The following MAP4K5 variants were observed in gnomAD, a reference collection of about 807,000 sequenced individuals.
The protein encoded by MAP4K5 is mitogen-activated protein kinase kinase kinase kinase 5.
Under a neutral mutation model 135.6 loss-of-function variants are expected in MAP4K5, and 82 were observed. The ratio of observed to expected loss-of-function variants is 0.60; its 90% CI spans 0.51 to 0.73. The LOEUF is 0.73. Ranked by LOEUF, MAP4K5 falls within the 30% of genes least tolerant of loss-of-function variation. The pLI, the probability that MAP4K5 is intolerant of heterozygous loss-of-function variation, is 0.00. For synonymous variants in MAP4K5, 347 were observed against 335.0 expected (o/e 1.04, Z -0.39); for missense variants, 907 against 1,010.9 (o/e 0.90, Z 1.39).
chr14:50,467,456 C>A lies in MAP4K5; in HGVS notation c.675-811G>T, dbSNP rs371665008. The stretch of plus-strand genomic sequence containing the variant: ...TTTTTAGTCTTTATCTAAATGCTTA[C>A]CAATTACATTATATTCACATTAGTA... On this transcript the variant is annotated intron_variant, in intron 10 of 32. Coordinates refer to ENST00000682126, the MANE Select transcript of MAP4K5 (RefSeq NM_006575.6). Among the ~76,000 whole-genome samples, 7 of 152,042 alleles carry A rather than the reference C, an allele frequency of 4.6e-5. No homozygotes were observed. The East Asian group carries it at 5.8e-4, about 13-fold the overall frequency.
chr14:50,459,313 C>G (rs1005555717), intron 13 of MAP4K5, among the ~76,000 whole-genome samples: 4 of 152,170 alleles, frequency 2.6e-5, no homozygotes, highest in Admixed American at 2.6e-4. Flanking sequence ...CTGCTCAAGT[C>G]AAAATCTGGT....
intron 30 of MAP4K5, among the ~76,000 whole-genome samples, chr14:50,427,091 A>AT (rs199751536): frequency 4.0e-5 from 6 of 151,562 alleles, no homozygotes; most frequent in East Asian, 1.9e-4. Context: ...TTGTAAAGGC[A>AT]TTTTTTTTTC....
At chr14:50,463,222 T>A (rs754387658) in intron 12 of MAP4K5, among the ~76,000 whole-genome samples, 2 of 152,228 alleles carry the variant, frequency 1.3e-5, no homozygotes, top group Non-Finnish European at 2.9e-5. Context: ...TAATTAAATA[T>A]TGGCATGTCA....
rs1364661413 is a variant in MAP4K5 at position 50,442,792 on chromosome 14, A to G, written c.1504T>C (p.Phe502Leu). 7 of 1,596,078 alleles carry G rather than the reference A, an allele frequency of 4.4e-6. No individual in the cohort carries two copies. The highest frequency in any genetic ancestry group is 6.0e-6 in the Non-Finnish European group (7 of 1,171,032). Residue 502 changes from phenylalanine (F) to leucine (L), a missense_variant, in exon 21 of 33, where the codon TTT (phenylalanine) becomes CTT (leucine). Transcript: ENST00000682126. ...VLMGACFSKVFDGCPLKINCA... is the reference protein window; with the variant it reads ...VLMGACFSKVLDGCPLKINCA... ...TTAATTTTCAAAGGACAGCCATCAA[A>G]AACTTTTGAAAAGCATGCTCCCATC...
chr14:50,540,255 G>A (rs1273824065), intron 2 of MAP4K5, among the ~76,000 whole-genome samples: 1 of 152,152 alleles, frequency 6.6e-6, no homozygotes, highest in Non-Finnish European at 1.5e-5. Context: ...TAATCCCTGA[G>A]TCTCTAGGAA....
chr14:50,448,595 C>A (rs2036411540), intron 15 of MAP4K5, among the ~76,000 whole-genome samples, 179 bp downstream of exon 15: 2 of 151,848 alleles, frequency 1.3e-5, no homozygotes, highest in African/African-American at 4.8e-5. Flanking sequence ...TGTATTACAT[C>A]GTACTCTAGT....
chr14:50,458,379 A>C (rs187909661), intron 13 of MAP4K5, among the ~76,000 whole-genome samples: 236 of 152,152 alleles, frequency 1.6e-3, no homozygotes, highest in Middle Eastern at 0.01. Context: ...CACACACACA[A>C]AAAAATCCTT....
intron 3 of MAP4K5, among the ~76,000 whole-genome samples, chr14:50,497,298 G>T (rs973418913): frequency 1.3e-5 from 2 of 152,136 alleles, no homozygotes; most frequent in African/African-American, 4.8e-5. Context: ...TTCATTTTCT[G>T]TATCTATTAT....
chr14:50,487,626 G>C (rs536789309), intron 3 of MAP4K5, among the ~76,000 whole-genome samples: 4 of 152,164 alleles, frequency 2.6e-5, no homozygotes, highest in Non-Finnish European at 5.9e-5. Context: ...TGTTACAATT[G>C]AAAATGTGCT....
At chr14:50,483,178 T>C (rs1406232930) in intron 5 of MAP4K5, 2 of 152,242 alleles carry the variant, frequency 1.3e-5, no homozygotes, top group African/African-American at 4.8e-5. Context: ...GCTATTTCTT[T>C]AGTATAATTC....
At chr14:50,431,617 G>A (rs982563747) in intron 28 of MAP4K5, among the ~76,000 whole-genome samples, 7 of 152,068 alleles carry the variant, frequency 4.6e-5, no homozygotes, top group African/African-American at 1.4e-4. Flanking sequence ...ATTCCATGGT[G>A]TATATGTGCC....
chr14:50,560,610 G>C (rs1447648254), intron 1 of MAP4K5: 2 of 422,538 alleles, frequency 4.7e-6, no homozygotes, highest in African/African-American at 4.0e-5. Context: ...CCGGGGACTT[G>C]TGGGTTCCGC....
chr14:50,547,935 A>G (rs1391814419), intron 1 of MAP4K5, among the ~76,000 whole-genome samples: 3 of 152,212 alleles, frequency 2.0e-5, no homozygotes, highest in African/African-American at 7.2e-5. Context: ...ATAGTTGCAT[A>G]GTACCTATCT....
chr14:50,502,681 C>G (rs752689996), intron 3 of MAP4K5, among the ~76,000 whole-genome samples: 1 of 151,722 alleles, frequency 6.6e-6, no homozygotes. Flanking sequence ...GATTATAATA[C>G]GCAACAAAAG....
intron 28 of MAP4K5, among the ~76,000 whole-genome samples, chr14:50,430,821 AG>A (rs956072987): frequency 3.3e-4 from 51 of 152,344 alleles, no homozygotes; most frequent in Non-Finnish European, 6.2e-4. Context: ...AAGTAGAATT[AG>A]GGCCTGGTAA....
chr14:50,445,349 T>G lies in MAP4K5; in HGVS notation c.1186-155A>C, dbSNP rs182837916. On this transcript the variant is annotated intron_variant, in intron 17 of 32. Transcript: ENST00000682126. Reference sequence around the variant, plus strand: ...GAGGTGAGTTACTGCCCAACACAACTATCAACTTGCCATGTGATTTTTAAT... The same window carrying G: ...GAGGTGAGTTACTGCCCAACACAACGATCAACTTGCCATGTGATTTTTAAT... Among the ~76,000 whole-genome samples the G allele has an allele frequency of 2.1e-3, 323 of 152,294 alleles. 2 individuals carry two copies. The highest frequency in any genetic ancestry group is 2.5e-3 in the Admixed American group (39 of 15,296).
intron 20 of MAP4K5, 99 bp downstream of exon 20, chr14:50,443,630 A>G (rs2139712641): frequency 1.1e-6 from 1 of 948,686 alleles, no homozygotes; most frequent in Middle Eastern, 2.5e-4. Flanking sequence ...ATTTTATGAT[A>G]TCTTAACTTT....
intron 9 of MAP4K5, 27 bp from the exon 10 acceptor site, chr14:50,468,809 T>G: frequency 6.3e-7 from 1 of 1,584,412 alleles, no homozygotes; most frequent in South Asian, 1.1e-5. Flanking sequence ...AATACAACAT[T>G]TTTGTTGTTA....
At chr14:50,448,453 T>A (rs2036407382) in intron 15 of MAP4K5, among the ~76,000 whole-genome samples, 1 of 151,026 alleles carries the variant, frequency 6.6e-6, no homozygotes. Context: ...GAATTTACTA[T>A]AAAACAAACA....
Sources: allele counts gnomAD v4.1 joint callset (sites outside exome capture counted in the v4.1 genomes callset), GRCh38; gene constraint gnomAD v4.1.1; transcripts MANE v1.5; gene names NCBI Gene and HGNC (gene_info 2026-07-23, HGNC 2026-07-21).